Variants in ZFPM2 observed in about 807,000 individuals in gnomAD.
ZFPM2 encodes the protein zinc finger protein ZFPM2.
ZFPM2 carries 20 observed loss-of-function variants against 98.6 expected under a neutral mutation model. The observed-to-expected ratio is 0.20, with a 90% confidence interval of 0.14 to 0.29. ZFPM2 has a LOEUF of 0.29. ZFPM2 is among the 10% of genes least tolerant of loss of function. The probability of loss-of-function intolerance (pLI) is 1.00; values close to 1 mark genes in which losing one functional copy is unlikely to be tolerated. For synonymous variants in ZFPM2, 518 were observed against 502.7 expected (o/e 1.03, Z -0.41); for missense variants, 1,310 against 1,388.6 (o/e 0.94, Z 0.90).
intron 5 of ZFPM2, among the ~76,000 whole-genome samples, chr8:105,767,741 A>G (rs1482257028): frequency 1.3e-5 from 2 of 151,918 alleles, no homozygotes; most frequent in Non-Finnish European, 2.9e-5. Context: ...TGAGAGACTA[A>G]GAGAGGCTAG....
At chr8:105,739,675 C>T (rs1053935076) in intron 5 of ZFPM2, among the ~76,000 whole-genome samples, 2 of 151,532 alleles carry the variant, frequency 1.3e-5, no homozygotes, top group Admixed American at 6.6e-5. Flanking sequence ...CCTTTCATTG[C>T]TCCTATATAA....
intron 1 of ZFPM2, among the ~76,000 whole-genome samples, chr8:105,330,553 CA>C (rs1812195404): frequency 5.6e-4 from 52 of 92,428 alleles, no homozygotes; most frequent in African/African-American, 1.2e-3. Flanking sequence ...TATATATATA[CA>C]TATATATATA....
intron 4 of ZFPM2, among the ~76,000 whole-genome samples, chr8:105,586,574 C>A (rs541331211): frequency 4.7e-4 from 72 of 151,912 alleles, no homozygotes; most frequent in Middle Eastern, 3.4e-3. Context: ...AGGCGTGTGC[C>A]ACCATGCCCA....
intron 5 of ZFPM2, among the ~76,000 whole-genome samples, chr8:105,645,766 A>G (rs1586170892): frequency 6.6e-6 from 1 of 152,140 alleles, no homozygotes; most frequent in East Asian, 1.9e-4. Context: ...TTATAAAAGG[A>G]GAAATGGCCG....
At chr8:105,546,579 A>AC (rs1814705878) in intron 3 of ZFPM2, among the ~76,000 whole-genome samples, 3 of 150,242 alleles carry the variant, frequency 2.0e-5, no homozygotes, top group African/African-American at 7.5e-5. Flanking sequence ...AAAAAAAAAA[A>AC]AAAAACAAAC....
Position 105,738,883 on chromosome 8 carries a change from A to G in ZFPM2, c.533-49835A>G, listed in dbSNP as rs193249610. Among the ~76,000 whole-genome samples, 55 of 152,088 alleles carry G rather than the reference A, an allele frequency of 3.6e-4. 2 individuals are homozygous for G. The highest frequency in any genetic ancestry group is 7.4e-5 in the Non-Finnish European group (5 of 67,984). Reference sequence around the variant, plus strand: ...AAATAAAAAGTAAACTAGATGCTAAAAAAGGTCATGTATTTTAGTCTAATG... The same window carrying G: ...AAATAAAAAGTAAACTAGATGCTAAGAAAGGTCATGTATTTTAGTCTAATG... On this transcript the variant is annotated intron_variant, in intron 5 of 7. Coordinates refer to ENST00000407775, the MANE Select transcript of ZFPM2 (RefSeq NM_012082.4).
At chr8:105,414,006 C>G (rs1048503991) in intron 1 of ZFPM2, among the ~76,000 whole-genome samples, 3 of 151,846 alleles carry the variant, frequency 2.0e-5, no homozygotes, top group African/African-American at 7.3e-5. Flanking sequence ...TGACTTTCAT[C>G]CCACCTGTCA....
intron 3 of ZFPM2, among the ~76,000 whole-genome samples, chr8:105,456,889 G>A (rs1812603868): frequency 6.6e-6 from 1 of 152,156 alleles, no homozygotes; most frequent in Non-Finnish European, 1.5e-5. Context: ...AGCCAGGACA[G>A]TGATCCACCC....
At chr8:105,674,806 T>C (rs949917948) in intron 5 of ZFPM2, among the ~76,000 whole-genome samples, 1 of 152,168 alleles carries the variant, frequency 6.6e-6, no homozygotes, top group Non-Finnish European at 1.5e-5. Flanking sequence ...AATCATTTCA[T>C]GGGTGCCTTT....
intron 3 of ZFPM2, among the ~76,000 whole-genome samples, chr8:105,518,449 T>C (rs1586431243): frequency 6.6e-6 from 1 of 152,374 alleles, no homozygotes; most frequent in East Asian, 1.9e-4. Context: ...TCTGTTGATT[T>C]AGTCTTCTCA....
chr8:105,620,130 T>C (rs565784191), intron 4 of ZFPM2, among the ~76,000 whole-genome samples: 2 of 152,230 alleles, frequency 1.3e-5, no homozygotes, highest in South Asian at 2.1e-4. Context: ...ATGGTTGAAC[T>C]AGTTTACAGT....
At chr8:105,636,914 A>G (rs1193579697) in intron 5 of ZFPM2, among the ~76,000 whole-genome samples, 1 of 152,190 alleles carries the variant, frequency 6.6e-6, no homozygotes, top group African/African-American at 2.4e-5. Flanking sequence ...AATAGCTCCT[A>G]TGAGATAATC....
At chr8:105,773,159 A>C (rs1813020136) in intron 5 of ZFPM2, among the ~76,000 whole-genome samples, 1 of 152,138 alleles carries the variant, frequency 6.6e-6, no homozygotes, top group African/African-American at 2.4e-5. Context: ...CTTTTTCAAA[A>C]CTATTTTCTT....
At chr8:105,590,151 C>G (rs1328244474) in intron 4 of ZFPM2, among the ~76,000 whole-genome samples, 4 of 152,186 alleles carry the variant, frequency 2.6e-5, no homozygotes, top group African/African-American at 9.7e-5. Flanking sequence ...GGCTGAAACT[C>G]CAACAGGTAA....
At chr8:105,445,089 GA>G (rs1812339660) in intron 3 of ZFPM2, among the ~76,000 whole-genome samples, 1 of 152,142 alleles carries the variant, frequency 6.6e-6, no homozygotes, top group Admixed American at 6.6e-5. Flanking sequence ...TGAGTTCTGA[GA>G]TAGTTTTAGC....
intron 5 of ZFPM2, among the ~76,000 whole-genome samples, chr8:105,783,929 G>C (rs1813337299): frequency 6.6e-6 from 1 of 151,998 alleles, no homozygotes; most frequent in South Asian, 2.1e-4. Context: ...AAAATCATAG[G>C]TAATTCTAGT....
intron 1 of ZFPM2, among the ~76,000 whole-genome samples, chr8:105,353,225 C>G (rs182278288): frequency 2.2e-3 from 338 of 152,220 alleles, no homozygotes; most frequent in African/African-American, 7.2e-3. Context: ...GGGATCCCCC[C>G]ACCCCATACT....
chr8:105,567,264 A>G (rs1199902208), intron 4 of ZFPM2, among the ~76,000 whole-genome samples: 1 of 152,132 alleles, frequency 6.6e-6, no homozygotes, highest in African/African-American at 2.4e-5. Context: ...CACACCTGTG[A>G]CTTTTCTACC....
chr8:105,498,454 A>G (rs1217867775), intron 3 of ZFPM2, among the ~76,000 whole-genome samples: 1 of 152,182 alleles, frequency 6.6e-6, no homozygotes, highest in Non-Finnish European at 1.5e-5. Context: ...AAGGCAGAAA[A>G]TATTTCATGG....
Sources: allele counts gnomAD v4.1 joint callset (sites outside exome capture counted in the v4.1 genomes callset), GRCh38; gene constraint gnomAD v4.1.1; transcripts MANE v1.5; gene names NCBI Gene and HGNC (gene_info 2026-07-23, HGNC 2026-07-21).